UBQLN1: variants seen among roughly 807,000 people sequenced by gnomAD.
UBQLN1 encodes the protein ubiquilin 1.
In UBQLN1, 13 loss-of-function variants were observed where a neutral mutation model predicts 65.4. The observed-to-expected ratio is 0.20, with a 90% CI of 0.13 to 0.32. The LOEUF (loss-of-function observed/expected upper bound fraction) is 0.32. Ranked by LOEUF, UBQLN1 falls within the 10% of genes least tolerant of loss-of-function variation. The probability of loss-of-function intolerance (pLI) is 1.00; values close to 1 mark genes in which losing one functional copy is unlikely to be tolerated. For missense variants in UBQLN1, 561 were observed against 724.0 expected (o/e 0.77, Z 2.58); for synonymous variants, 267 against 247.8 (o/e 1.08, Z -0.73).
chr9:83,664,060 T>C lies in UBQLN1; in HGVS notation c.1449-17A>G, dbSNP rs374175731. The C allele has an allele frequency of 8.1e-6, 13 of 1,609,422 alleles. No homozygotes were observed. The highest frequency in any genetic ancestry group is 6.7e-5 in the African/African-American group (5 of 74,594). On this transcript the variant is annotated splice_polypyrimidine_tract_variant and intron_variant, in intron 9 of 10. Coordinates refer to ENST00000376395, the MANE Select transcript of UBQLN1 (RefSeq NM_013438.5). ...GGAGTAAACCTACAGAAAGCACAAA[T>C]AGGAAATATCCTAAGGTCCTGCAAA...
chr9:83,691,028 C>T (rs1280732090), intron 1 of UBQLN1, among the ~76,000 whole-genome samples: 2 of 151,634 alleles, frequency 1.3e-5, no homozygotes, highest in African/African-American at 2.4e-5. Flanking sequence ...ATCCCAGCTA[C>T]TCGGGAGGCT....
rs139706742 is a variant in UBQLN1 at position 83,670,316 on chromosome 9, T to G, written c.1106-989A>C. Among the ~76,000 whole-genome samples the G allele has an allele frequency of 2.0e-5, 3 of 152,314 alleles. No individual in the cohort carries two copies. The East Asian group carries it at 5.8e-4, about 29-fold the overall frequency. On this transcript the variant is annotated intron_variant, in intron 6 of 10. Coordinates refer to ENST00000376395, the MANE Select transcript of UBQLN1 (RefSeq NM_013438.5). Reference sequence around the variant, plus strand: ...GACTCTTCTCACTTATCTTTCTAGTTTATTATAATTCTGTTTTTAATAGTT... The same window carrying G: ...GACTCTTCTCACTTATCTTTCTAGTGTATTATAATTCTGTTTTTAATAGTT...
At chr9:83,681,161 G>A (rs1315721708) in intron 3 of UBQLN1, among the ~76,000 whole-genome samples, 1 of 152,252 alleles carries the variant, frequency 6.6e-6, no homozygotes, top group Non-Finnish European at 1.5e-5. Context: ...CAAGGAGACA[G>A]AGAGCCAGGG....
chr9:83,673,606 T>C (rs1385685417), intron 6 of UBQLN1, among the ~76,000 whole-genome samples: 1 of 119,558 alleles, frequency 8.4e-6, no homozygotes, highest in African/African-American at 3.0e-5. Flanking sequence ...TATTTTTAAA[T>C]AGTTAAGGGA....
chr9:83,665,685 T>A (rs138157005), intron 8 of UBQLN1, among the ~76,000 whole-genome samples: 386 of 152,284 alleles, frequency 2.5e-3, no homozygotes, highest in Non-Finnish European at 4.6e-3. Flanking sequence ...TTACAATAGA[T>A]CAAGGACACC....
At chr9:83,699,316 A>T (rs967047632) in intron 1 of UBQLN1, among the ~76,000 whole-genome samples, 8 of 152,170 alleles carry the variant, frequency 5.3e-5, no homozygotes, top group Non-Finnish European at 1.0e-4. Context: ...AAAGTGGCTA[A>T]TAGGAAAATT....
At chr9:83,682,824 G>T (rs557289279) in intron 3 of UBQLN1, 127 bp downstream of exon 3, 14 of 414,110 alleles carry the variant, frequency 3.4e-5, no homozygotes, top group South Asian at 8.3e-5. Flanking sequence ...AGGAATGTAT[G>T]TTTTTTTTTT....
At chr9:83,680,131 G>T in intron 3 of UBQLN1, 94 bp from the exon 4 acceptor site, 1 of 1,244,948 alleles carries the variant, frequency 8.0e-7, no homozygotes, top group Non-Finnish European at 1.1e-6. Context: ...AGTATTAGCT[G>T]ACCCAATAGT....
At chr9:83,705,625 T>C (rs1832389430) in intron 1 of UBQLN1, among the ~76,000 whole-genome samples, 1 of 152,160 alleles carries the variant, frequency 6.6e-6, no homozygotes, top group African/African-American at 2.4e-5. Context: ...AGTCTAAGTA[T>C]ATAACCATGA....
Position 83,679,973 on chromosome 9 carries a change from T to C in UBQLN1, c.513A>G (p.Leu171=), listed in dbSNP as rs148755587. Residue 171 remains leucine, a synonymous_variant, in exon 4 of 11, where the codon CTA becomes CTG. Coordinates refer to ENST00000376395, the MANE Select transcript of UBQLN1 (RefSeq NM_013438.5). ...LGLNTTNFSE[L]QSQMQRQLLS... is the part of the protein sequence containing the mutation. Reference sequence around the variant, plus strand: ...AAAGTTGTCGCTGCATCTGACTCTGTAGTTCAGAGAAGTTGGTAGTATTCA... The same window carrying C: ...AAAGTTGTCGCTGCATCTGACTCTGCAGTTCAGAGAAGTTGGTAGTATTCA... 1.1e-5 allele frequency: 17 copies of C among 1,614,058 alleles called. No homozygotes were observed. The highest frequency in any genetic ancestry group is 2.7e-5 in the African/African-American group (2 of 74,922).
chr9:83,672,912 G>A (rs1831757682), intron 6 of UBQLN1, among the ~76,000 whole-genome samples: 1 of 152,226 alleles, frequency 6.6e-6, no homozygotes, highest in Non-Finnish European at 1.5e-5. Flanking sequence ...ACATGTTTCT[G>A]CTAAGCTAAT....
chr9:83,704,364 T>C (rs1230091370), intron 1 of UBQLN1, among the ~76,000 whole-genome samples: 1 of 152,248 alleles, frequency 6.6e-6, no homozygotes, highest in Non-Finnish European at 1.5e-5. Flanking sequence ...CTGTATCTGT[T>C]TCCCTTGCAT....
intron 9 of UBQLN1, 66 bp downstream of exon 9, chr9:83,664,960 ATACT>A: frequency 2.8e-6 from 3 of 1,089,788 alleles, no homozygotes; most frequent in Non-Finnish European, 3.9e-6. Context: ...AGGCAGAATA[ATACT>A]AAATCTGAAA....
intron 1 of UBQLN1, among the ~76,000 whole-genome samples, chr9:83,691,221 T>C (rs954207232): frequency 1.3e-5 from 2 of 152,004 alleles, no homozygotes; most frequent in African/African-American, 4.8e-5. Context: ...ATGCCTCATC[T>C]TGGGCAGGTC....
chr9:83,664,097 G>C (rs2131140299), intron 9 of UBQLN1, 54 bp from the exon 10 acceptor site: 1 of 1,560,384 alleles, frequency 6.4e-7, no homozygotes, highest in South Asian at 1.2e-5. Flanking sequence ...CCAGAAGCCA[G>C]TCCGTAAATC....
At chr9:83,689,154 T>C (rs1832087541) in intron 1 of UBQLN1, among the ~76,000 whole-genome samples, 1 of 152,248 alleles carries the variant, frequency 6.6e-6, no homozygotes. Flanking sequence ...GTATTTCATA[T>C]AAATGCAATA....
chr9:83,678,390 T>G, intron 5 of UBQLN1, 51 bp downstream of exon 5: 1 of 1,560,762 alleles, frequency 6.4e-7, no homozygotes. Context: ...CACATATTTG[T>G]GTTAAAACAG....
chr9:83,689,372 A>C (rs1832090512), intron 1 of UBQLN1, among the ~76,000 whole-genome samples: 1 of 152,236 alleles, frequency 6.6e-6, no homozygotes, highest in South Asian at 2.1e-4. Flanking sequence ...ACAATGTGAT[A>C]CATTTATCTC....
chr9:83,687,630 G>T (rs181990028), intron 1 of UBQLN1, among the ~76,000 whole-genome samples: 1 of 152,254 alleles, frequency 6.6e-6, no homozygotes, highest in Admixed American at 6.5e-5. Flanking sequence ...ATCTTGTGGG[G>T]ACAAGGAAGG....
Sources: gnomAD v4.1 joint callset for allele counts (sites outside exome capture counted in the v4.1 genomes callset) on GRCh38, gnomAD v4.1.1 for gene constraint, MANE v1.5 for transcripts, NCBI Gene and HGNC (gene_info 2026-07-23, HGNC 2026-07-21) for gene names.